The following CCDC13 variants were observed in gnomAD, a reference collection of about 807,000 sequenced individuals.
The protein encoded by CCDC13 is coiled-coil domain-containing protein 13.
A neutral mutation model predicts 87.3 loss-of-function variants in CCDC13; 70 were observed. The observed-to-expected ratio is 0.80, with a 90% CI of 0.66 to 0.98. The LOEUF (loss-of-function observed/expected upper bound fraction) is 0.98, where lower values mean the gene tolerates loss of function less well. Ranked by LOEUF, CCDC13 falls within the 50% of genes least tolerant of loss-of-function variation. CCDC13 has a pLI of 0.00. For missense variants in CCDC13, 842 were observed against 892.0 expected (o/e 0.94, Z 0.71); for synonymous variants, 317 against 360.3 (o/e 0.88, Z 1.36).
Position 42,707,108 on chromosome 3 carries a change from T to C in CCDC13, c.*1872A>G, listed in dbSNP as rs1383413091. ...AAGGATGGCTGATCCTATGCCTGCT[T>C]CTCACTCCCTGGGACTGCACTGAGG... On this transcript the variant is annotated 3_prime_UTR_variant, in exon 16 of 16. Transcript: ENST00000310232. 1.3e-5 allele frequency among the ~76,000 whole-genome samples: 2 copies of C among 152,120 alleles called. No homozygotes were observed. Among genetic ancestry groups the C allele is most frequent in the Non-Finnish European group, 2.9e-5 (2 of 68,006 alleles).
downstream of CCDC13, among the ~76,000 whole-genome samples, chr3:42,705,215 C>G (rs997351732): frequency 3.9e-5 from 6 of 152,132 alleles, no homozygotes; most frequent in Non-Finnish European, 8.8e-5. Context: ...TCTTTGTGCT[C>G]AGGGCTGGCT....
chr3:42,738,666 T>C (rs1234226931), intron 9 of CCDC13, among the ~76,000 whole-genome samples: 1 of 152,228 alleles, frequency 6.6e-6, no homozygotes, highest in Non-Finnish European at 1.5e-5. Context: ...TTATTCTCTT[T>C]GAAGCAGTTG....
At chr3:42,772,377 G>T (rs1273283504) in intron 1 of CCDC13, among the ~76,000 whole-genome samples, 2 of 151,884 alleles carry the variant, frequency 1.3e-5, no homozygotes, top group African/African-American at 4.8e-5. Flanking sequence ...GGAGTAGGAA[G>T]AGTGGCATGC....
At chr3:42,760,152 G>T (rs956353506) in intron 1 of CCDC13, among the ~76,000 whole-genome samples, 1 of 151,844 alleles carries the variant, frequency 6.6e-6, no homozygotes, top group Non-Finnish European at 1.5e-5. Context: ...TTAGCCAGGC[G>T]TGGTGACATG....
chr3:42,718,079 A>G (rs193026009), intron 13 of CCDC13: 1 of 152,368 alleles, frequency 6.6e-6, no homozygotes, highest in Admixed American at 6.5e-5. Flanking sequence ...CATCTTAAAT[A>G]GGAGCTGGGT....
rs1698200130 is a variant in CCDC13 at position 42,707,283 on chromosome 3, C to T, written c.*1697G>A. The stretch of plus-strand genomic sequence containing the variant: ...CCCTCCAAGCACAGACCCTCTCTCT[C>T]CTGGCTCTCTGCCTGGCCGTTTTCC... On this transcript the variant is annotated 3_prime_UTR_variant, in exon 16 of 16. Transcript: ENST00000310232. Among the ~76,000 whole-genome samples the T allele has an allele frequency of 6.6e-6, 1 of 152,198 alleles. No homozygotes were observed. Among genetic ancestry groups the T allele is most frequent in the Admixed American group, 6.5e-5 (1 of 15,286 alleles).
chr3:42,714,445 T>C lies in CCDC13; in HGVS notation c.1719-1129A>G, dbSNP rs575249801. Reference sequence around the variant, plus strand: ...TGTTCGCTTTTCTTGGAGTTAGTGATTATCTTAAGCTTATTGTTTTGTTTT... The same window carrying C: ...TGTTCGCTTTTCTTGGAGTTAGTGACTATCTTAAGCTTATTGTTTTGTTTT... On this transcript the variant is annotated intron_variant, in intron 13 of 15. Coordinates refer to ENST00000310232, the MANE Select transcript of CCDC13 (RefSeq NM_144719.4). Among the ~76,000 whole-genome samples the C allele has an allele frequency of 7.9e-5, 12 of 152,356 alleles. No homozygotes were observed. The South Asian group carries it at 2.3e-3, about 29-fold the overall frequency.
At chr3:42,770,415 G>A (rs62246610) in intron 1 of CCDC13, among the ~76,000 whole-genome samples, 10,929 of 152,256 alleles carry the variant, frequency 0.072, 567 homozygotes, top group Non-Finnish European at 0.11. Flanking sequence ...AGTTGATCTA[G>A]TGGGGAAGTG....
chr3:42,758,317 G>C lies in CCDC13; in HGVS notation c.29C>G (p.Thr10Ser), dbSNP rs1303622224. ...CATTGCCTTGAACTGGAGCCGCAAAGTGTTCTGTGAGCTTTCATCTGCTGC... is the reference window on the plus strand; with the variant it reads ...CATTGCCTTGAACTGGAGCCGCAAACTGTTCTGTGAGCTTTCATCTGCTGC... Reference protein sequence around the residue: MAADESSQNTLRLQFKAMQE... With the variant: MAADESSQNSLRLQFKAMQE... Residue 10 changes from threonine (T) to serine (S), a missense_variant, in exon 2 of 16, where the codon ACT becomes AGT. Transcript: ENST00000310232. 6.2e-7 allele frequency: 1 copy of C among 1,612,950 alleles called. No individual in the cohort carries two copies. The highest frequency in any genetic ancestry group is 1.1e-5 in the South Asian group (1 of 91,024).
chr3:42,763,465 A>G (rs1699874440), intron 1 of CCDC13, among the ~76,000 whole-genome samples: 1 of 152,172 alleles, frequency 6.6e-6, no homozygotes, highest in Admixed American at 6.6e-5. Flanking sequence ...AGTGTCAACA[A>G]AAACAGTCAA....
intron 2 of CCDC13, among the ~76,000 whole-genome samples, chr3:42,757,887 T>A (rs148511094): frequency 6.6e-6 from 1 of 152,292 alleles, no homozygotes. Flanking sequence ...AAACACCCTA[T>A]ACTCCTAAAT....
intron 5 of CCDC13, among the ~76,000 whole-genome samples, chr3:42,751,187 C>T (rs1340319969): frequency 6.6e-6 from 1 of 152,188 alleles, no homozygotes; most frequent in African/African-American, 2.4e-5. Context: ...AATTGGGAGT[C>T]CCGGGGCTTG....
At position 42,708,899 on chromosome 3, in the gene CCDC13, C is replaced by G; in HGVS notation, c.*81G>C. ...GCTGCCCTGGGCTGGCTTCCCGGAG[C>G]AGATGGAGTCCTCAGACAGAGTCTT... On this transcript the variant is annotated 3_prime_UTR_variant, in exon 16 of 16. Coordinates refer to ENST00000310232, the MANE Select transcript of CCDC13 (RefSeq NM_144719.4). The G allele has an allele frequency of 7.0e-7, 1 of 1,433,248 alleles. No individual in the cohort carries two copies. Among genetic ancestry groups the G allele is most frequent in the Non-Finnish European group, 9.3e-7 (1 of 1,078,532 alleles). The allele number at this position is 1,433,248 out of a possible 1,614,324, so 88.8% of individuals were successfully genotyped here.
chr3:42,743,141 C>T, intron 7 of CCDC13, 84 bp from the exon 8 acceptor site: 1 of 1,481,488 alleles, frequency 6.7e-7, no homozygotes. Flanking sequence ...ACCCCACAGA[C>T]TGAAGATGGA....
intron 13 of CCDC13, among the ~76,000 whole-genome samples, chr3:42,727,183 C>A (rs1315054999): frequency 6.6e-6 from 1 of 152,016 alleles, no homozygotes; most frequent in Non-Finnish European, 1.5e-5. Context: ...ATCAGCCTGG[C>A]CAACATGGTG....
intron 3 of CCDC13, among the ~76,000 whole-genome samples, chr3:42,754,312 G>A (rs188286372): frequency 2.0e-4 from 30 of 152,254 alleles, no homozygotes; most frequent in Non-Finnish European, 4.1e-4. Flanking sequence ...GTCTGCTGAA[G>A]AAGACAAGGA....
chr3:42,770,007 C>T (rs558238355), intron 1 of CCDC13, among the ~76,000 whole-genome samples: 354 of 152,362 alleles, frequency 2.3e-3, no homozygotes, highest in South Asian at 4.3e-3. Flanking sequence ...CCCCCTGCTC[C>T]GCAGCACCTG....
chr3:42,758,201 C>A lies in CCDC13; in HGVS notation c.145G>T (p.Glu49Ter). Residue 49 changes from glutamate to a stop codon, truncating the protein, a stop_gained, in exon 2 of 16, where the codon GAG becomes TAG. Transcript: ENST00000310232. LOFTEE classifies it high-confidence loss of function. ...SLKSRADDQEEPLEVSDGLSL... is the reference protein window; with the variant it reads ...SLKSRADDQE ...AGGCCATCTGAAACCTCCAAGGGCTCCTCTTGGTCGTCAGCTCTGCTTTTG... is the reference window on the plus strand; with the variant it reads ...AGGCCATCTGAAACCTCCAAGGGCTACTCTTGGTCGTCAGCTCTGCTTTTG... 6.2e-7 allele frequency: 1 copy of A among 1,614,114 alleles called. No homozygotes were observed. Among genetic ancestry groups the A allele is most frequent in the Non-Finnish European group, 8.5e-7 (1 of 1,180,024 alleles).
intron 13 of CCDC13, among the ~76,000 whole-genome samples, chr3:42,727,712 C>A (rs944189514): frequency 6.6e-6 from 1 of 152,130 alleles, no homozygotes; most frequent in African/African-American, 2.4e-5. Flanking sequence ...TAAATGTATT[C>A]TTTTGCTTAA....
Sources: allele counts gnomAD v4.1 joint callset (sites outside exome capture counted in the v4.1 genomes callset), GRCh38; gene constraint gnomAD v4.1.1; transcripts MANE v1.5; gene names NCBI Gene and HGNC (gene_info 2026-07-23, HGNC 2026-07-21).